The following ADGRL2 variants were observed in gnomAD, a reference collection of about 807,000 sequenced individuals.
ADGRL2 encodes the protein adhesion G protein-coupled receptor L2, also known as calcium-independent alpha-latrotoxin receptor 2.
A neutral mutation model predicts 157.4 loss-of-function variants in ADGRL2; 44 were observed. That is an observed-to-expected ratio of 0.28 (90% confidence interval 0.22 to 0.36). The LOEUF is 0.36. ADGRL2 is among the 10% of genes least tolerant of loss of function. The probability of loss-of-function intolerance (pLI) is 1.00; values close to 1 mark genes in which losing one functional copy is unlikely to be tolerated. For missense variants in ADGRL2, 1,510 were observed against 1,768.9 expected, an observed-to-expected ratio of 0.85 and a Z score of 2.63; for synonymous variants, 585 against 624.7, an observed-to-expected ratio of 0.94 and a Z score of 0.95.
chr1:81,892,772 C>T (rs776668502), intron 2 of ADGRL2, among the ~76,000 whole-genome samples: 24 of 152,104 alleles, frequency 1.6e-4, no homozygotes, highest in Non-Finnish European at 3.1e-4. Context: ...CAATTTCATA[C>T]ATTTTTATGT....
intron 2 of ADGRL2, among the ~76,000 whole-genome samples, chr1:81,510,750 G>A (rs960813507): frequency 2.9e-4 from 44 of 152,262 alleles, no homozygotes; most frequent in African/African-American, 9.6e-4. Context: ...GAAAAAGACT[G>A]CGGTGTATTT....
In ADGRL2 at chr1:81,562,989, G is replaced by T. The variant is rs75891259; in HGVS notation, c.-247-17887G>T. On this transcript the variant is annotated intron_variant, in intron 2 of 24. Coordinates refer to the ADGRL2 transcript ENST00000370721. ...TTTATTACCAAAGCTTAACTTTTTT[G>T]ACTTTGATTTGTGAAAGCTTATTGC... Among the ~76,000 whole-genome samples, 455 of 151,980 alleles carry T rather than the reference G, an allele frequency of 3.0e-3. 3 individuals carry two copies. Among genetic ancestry groups the T allele is most frequent in the African/African-American group, 0.01 (425 of 41,470 alleles).
chr1:81,662,834 C>T (rs2082680589), intron 3 of ADGRL2, among the ~76,000 whole-genome samples: 1 of 152,230 alleles, frequency 6.6e-6, no homozygotes, highest in Non-Finnish European at 1.5e-5. Flanking sequence ...GGATTACAGG[C>T]GTGAGCCACC....
intron 11 of ADGRL2, among the ~76,000 whole-genome samples, chr1:81,963,218 G>T (rs1295995373): frequency 6.6e-6 from 1 of 151,470 alleles, no homozygotes; most frequent in Non-Finnish European, 1.5e-5. Flanking sequence ...TATTTTAATT[G>T]TTTGTTGTGT....
At chr1:81,803,248 C>A (rs1159569951) in intron 1 of ADGRL2, among the ~76,000 whole-genome samples, 1 of 152,016 alleles carries the variant, frequency 6.6e-6, no homozygotes, top group African/African-American at 2.4e-5. Context: ...GGGCGACCCT[C>A]AGGCAGAGGG....
rs1362182787 is a variant in ADGRL2 at position 81,747,168 on chromosome 1, T to TAC, written c.-142-14642_-142-14641insCA. On this transcript the variant is annotated intron_variant, in intron 1 of 20. Coordinates refer to the ADGRL2 transcript ENST00000359929. ...ATATATACGTATATATGTATGTGTG[T>TAC]ATATATACATATATGTATGTGTGTA... Among the ~76,000 whole-genome samples, 10 of 138,540 alleles carry TAC rather than the reference T, an allele frequency of 7.2e-5. No homozygotes were observed. In the South Asian group the frequency reaches 1.2e-3, roughly 16 times the overall value. The allele number at this position is 138,540 out of a possible 152,430, so 90.9% of individuals were successfully genotyped here.
chr1:81,507,168 T>G (rs182669905), intron 2 of ADGRL2, among the ~76,000 whole-genome samples: 1 of 152,232 alleles, frequency 6.6e-6, no homozygotes, highest in Non-Finnish European at 1.5e-5. Flanking sequence ...AGGATGCTAC[T>G]TGAGGAACAG....
chr1:81,730,251 A>G (rs942831204), intron 1 of ADGRL2, among the ~76,000 whole-genome samples: 1 of 152,224 alleles, frequency 6.6e-6, no homozygotes, highest in Non-Finnish European at 1.5e-5. Flanking sequence ...GATGTTTTAC[A>G]TATTGCCTTA....
chr1:81,703,882 T>TGCTCTTGTA (rs1012796530), intron 1 of ADGRL2, among the ~76,000 whole-genome samples: 4 of 152,196 alleles, frequency 2.6e-5, no homozygotes, highest in Non-Finnish European at 5.9e-5. Context: ...TTTAGTTTAG[T>TGCTCTTGTA]GCTCTTGTAT....
intron 1 of ADGRL2, among the ~76,000 whole-genome samples, chr1:81,740,136 C>A (rs376842446): frequency 6.6e-6 from 1 of 152,180 alleles, no homozygotes; most frequent in Non-Finnish European, 1.5e-5. Context: ...TAATATCTAA[C>A]AAATTAATAC....
intron 2 of ADGRL2, among the ~76,000 whole-genome samples, chr1:81,493,820 G>T (rs1015742520): frequency 5.3e-5 from 8 of 152,130 alleles, no homozygotes; most frequent in East Asian, 1.9e-4. Flanking sequence ...TTCCTCAGAA[G>T]TTTGGATCAG....
At chr1:81,489,461 G>A (rs1469934754) in intron 2 of ADGRL2, among the ~76,000 whole-genome samples, 5 of 152,072 alleles carry the variant, frequency 3.3e-5, no homozygotes, top group South Asian at 4.1e-4. Context: ...ACAGCCTAAG[G>A]GACCTGTGGG....
chr1:81,849,365 C>T (rs943344221), intron 2 of ADGRL2, among the ~76,000 whole-genome samples: 1 of 151,850 alleles, frequency 6.6e-6, no homozygotes, highest in African/African-American at 2.4e-5. Flanking sequence ...AACAATAAAA[C>T]CCCGTAACCA....
At chr1:81,540,951 A>G (rs933753885) in intron 2 of ADGRL2, among the ~76,000 whole-genome samples, 1 of 152,222 alleles carries the variant, frequency 6.6e-6, no homozygotes, top group Non-Finnish European at 1.5e-5. Context: ...GTGCAATTTT[A>G]AAGCTTAATT....
At chr1:81,709,739 G>C (rs2083860715) in intron 1 of ADGRL2, among the ~76,000 whole-genome samples, 2 of 152,140 alleles carry the variant, frequency 1.3e-5, no homozygotes, top group South Asian at 4.1e-4. Flanking sequence ...TTGAAATTTT[G>C]AGGTGGGTAC....
intron 2 of ADGRL2, among the ~76,000 whole-genome samples, chr1:81,486,603 A>G (rs1192673210): frequency 6.6e-6 from 1 of 152,188 alleles, no homozygotes; most frequent in Non-Finnish European, 1.5e-5. Flanking sequence ...AATGAGTATT[A>G]AATTATACAT....
At chr1:81,671,795 G>A (rs1410948024) in intron 3 of ADGRL2, among the ~76,000 whole-genome samples, 3 of 152,182 alleles carry the variant, frequency 2.0e-5, no homozygotes, top group Non-Finnish European at 2.9e-5. Context: ...TTACAGGTGT[G>A]AGCCACCACG....
At chr1:81,702,853 T>C (rs1471572830) in intron 1 of ADGRL2, among the ~76,000 whole-genome samples, 1 of 152,202 alleles carries the variant, frequency 6.6e-6, no homozygotes, top group Non-Finnish European at 1.5e-5. Flanking sequence ...TCACAGATGA[T>C]GCAAGTAATT....
At chr1:81,640,325 G>A (rs1200235141) in intron 3 of ADGRL2, among the ~76,000 whole-genome samples, 1 of 151,994 alleles carries the variant, frequency 6.6e-6, no homozygotes, top group Non-Finnish European at 1.5e-5. Flanking sequence ...ATGACCAAAA[G>A]GAGAAATTGT....
Sources: gnomAD v4.1 joint callset for allele counts (sites outside exome capture counted in the v4.1 genomes callset) on GRCh38, gnomAD v4.1.1 for gene constraint, MANE v1.5 for transcripts, NCBI Gene and HGNC (gene_info 2026-07-23, HGNC 2026-07-21) for gene names.